SLC14A2: variants seen among roughly 807,000 people sequenced by gnomAD.
SLC14A2 encodes the protein solute carrier family 14 member 2, also known as urea transporter 2.
A neutral mutation model predicts 104.6 loss-of-function variants in SLC14A2; 91 were observed. The observed-to-expected ratio is 0.87, with a 90% CI of 0.73 to 1.04. The LOEUF (loss-of-function observed/expected upper bound fraction) is 1.04, where lower values mean the gene tolerates loss of function less well. Among genes scored for constraint, SLC14A2 ranks in the 50% least tolerant of loss-of-function variants. SLC14A2 has a pLI of 0.00. For missense variants in SLC14A2, 1,189 were observed against 1,156.0 expected, an observed-to-expected ratio of 1.03 and a Z score of -0.41; for synonymous variants, 476 against 466.4, an observed-to-expected ratio of 1.02 and a Z score of -0.27.
At position 45,564,060 on chromosome 18, in the gene SLC14A2, G is replaced by A. The variant is rs576589914; in HGVS notation, c.-34-60571G>A. ...TGAGTTTTATGTTATCTCCATCAAT[G>A]TCAGTATTTCCTGTCAAATCAGCAA... On this transcript the variant is annotated intron_variant, in intron 2 of 20. Coordinates refer to the SLC14A2 transcript ENST00000586448. Among the ~76,000 whole-genome samples, 14 of 152,310 alleles carry A rather than the reference G, an allele frequency of 9.2e-5. 1 individual carries two copies. In the South Asian group the frequency reaches 1.9e-3, roughly 20 times the overall value.
chr18:45,660,674 T>C (rs143372986), intron 10 of SLC14A2, among the ~76,000 whole-genome samples: 57 of 152,336 alleles, frequency 3.7e-4, no homozygotes, highest in Non-Finnish European at 7.2e-4. Flanking sequence ...CAAAACACCA[T>C]GCAGAAATTA....
intron 1 of SLC14A2, among the ~76,000 whole-genome samples, chr18:45,249,534 T>C (rs188396573): frequency 2.0e-4 from 30 of 152,308 alleles, no homozygotes; most frequent in Admixed American, 2.0e-3. Flanking sequence ...TCAATGAATG[T>C]GTGGTCTTTT....
In SLC14A2 at chr18:45,323,232, C is replaced by A. The variant is rs887410267; in HGVS notation, c.-125+110041C>A. Among the ~76,000 whole-genome samples, 3 of 152,206 alleles carry A rather than the reference C, an allele frequency of 2.0e-5. No homozygotes were observed. In the South Asian group the frequency reaches 6.2e-4, roughly 32 times the overall value. On this transcript the variant is annotated intron_variant, in intron 1 of 20. Coordinates refer to the SLC14A2 transcript ENST00000586448. ...CACATTGAGACTGTTGGAACAATAA[C>A]CTCAGTAAACTGATTATTTACAGAA...
At chr18:45,178,355 A>G in the SLC14A2 span, among the ~76,000 whole-genome samples, 96 of 152,324 alleles carry the variant, frequency 6.3e-4, no homozygotes, top group Non-Finnish European at 1.0e-3. Context: ...AAATAAAAAC[A>G]TAAGTAGATG....
intron 2 of SLC14A2, among the ~76,000 whole-genome samples, chr18:45,594,241 C>T (rs1235828828): frequency 6.6e-6 from 1 of 152,186 alleles, no homozygotes; most frequent in Non-Finnish European, 1.5e-5. Context: ...AGAAGGACCA[C>T]AAGCACGCAG....
At chr18:45,423,018 A>G (rs1640127750) in intron 1 of SLC14A2, among the ~76,000 whole-genome samples, 1 of 152,176 alleles carries the variant, frequency 6.6e-6, no homozygotes, top group Admixed American at 6.5e-5. Context: ...GAGCCCCTCC[A>G]TTAGAACTCA....
At chr18:45,299,328 T>C (rs2084945403) in intron 1 of SLC14A2, among the ~76,000 whole-genome samples, 1 of 152,256 alleles carries the variant, frequency 6.6e-6, no homozygotes, top group African/African-American at 2.4e-5. Flanking sequence ...CATGCCAGGT[T>C]GCCTGTTGTC....
chr18:45,169,535 G>A, the SLC14A2 span, among the ~76,000 whole-genome samples: 1 of 152,208 alleles, frequency 6.6e-6, no homozygotes, highest in East Asian at 1.9e-4. Flanking sequence ...TAATCACAGA[G>A]TCAGAGTTAC....
rs1211809249 is a variant in SLC14A2, at chr18:45,289,840, T to C, written c.-125+76649T>C. Among the ~76,000 whole-genome samples the C allele has an allele frequency of 2.0e-5, 3 of 152,210 alleles. No individual in the cohort carries two copies. The East Asian group carries it at 5.8e-4, about 29-fold the overall frequency. Reference sequence around the variant, plus strand: ...CTTCCTTTGAACATCACTTAAATGGTTACTGTCAAAGTCAGATGCAAGACC... The same window carrying C: ...CTTCCTTTGAACATCACTTAAATGGCTACTGTCAAAGTCAGATGCAAGACC... On this transcript the variant is annotated intron_variant, in intron 1 of 20. Transcript: ENST00000586448.
intron 1 of SLC14A2, among the ~76,000 whole-genome samples, chr18:45,477,938 G>A (rs1313065562): frequency 5.9e-5 from 9 of 152,180 alleles, no homozygotes; most frequent in African/African-American, 1.9e-4. Context: ...GGTGGGATCC[G>A]CTGACCTAGA....
chr18:45,643,517 C>T (rs1345077365), intron 9 of SLC14A2, among the ~76,000 whole-genome samples: 3 of 152,118 alleles, frequency 2.0e-5, no homozygotes, highest in African/African-American at 4.8e-5. Flanking sequence ...CTGATTGTGG[C>T]TCAAATTATC....
intron 1 of SLC14A2, among the ~76,000 whole-genome samples, chr18:45,275,940 G>A (rs1449496815): frequency 1.3e-5 from 2 of 152,212 alleles, no homozygotes; most frequent in African/African-American, 2.4e-5. Context: ...AAAGAATAAA[G>A]GTGCTGTTTT....
chr18:45,580,763 G>C (rs543606652), intron 2 of SLC14A2, among the ~76,000 whole-genome samples: 2 of 152,168 alleles, frequency 1.3e-5, no homozygotes, highest in African/African-American at 2.4e-5. Flanking sequence ...ACGGGTAAGG[G>C]GCAAAGCTGA....
At chr18:45,348,669 T>C in intron 1 of SLC14A2, among the ~76,000 whole-genome samples, 1 of 152,246 alleles carries the variant, frequency 6.6e-6, no homozygotes, top group Non-Finnish European at 1.5e-5. Flanking sequence ...GCTATAATTC[T>C]GTACGTGCCA....
intron 1 of SLC14A2, among the ~76,000 whole-genome samples, chr18:45,400,289 C>T (rs2086081764): frequency 6.6e-6 from 1 of 152,170 alleles, no homozygotes; most frequent in African/African-American, 2.4e-5. Flanking sequence ...TTACTTGAGT[C>T]TCCTACTCTT....
chr18:45,306,579 C>T (rs1441036356), intron 1 of SLC14A2, among the ~76,000 whole-genome samples: 1 of 152,088 alleles, frequency 6.6e-6, no homozygotes, highest in African/African-American at 2.4e-5. Context: ...AATACTATTC[C>T]TCATTTGATC....
At chr18:45,336,229 A>G (rs2085337012) in intron 1 of SLC14A2, among the ~76,000 whole-genome samples, 1 of 152,222 alleles carries the variant, frequency 6.6e-6, no homozygotes, top group Non-Finnish European at 1.5e-5. Context: ...TAAGGAAAAC[A>G]CTTAAAAGAA....
At chr18:45,369,100 A>G (rs2045041498) in intron 1 of SLC14A2, among the ~76,000 whole-genome samples, 1 of 152,192 alleles carries the variant, frequency 6.6e-6, no homozygotes, top group African/African-American at 2.4e-5. Flanking sequence ...GTCTCAGTCA[A>G]CATGGGAAAA....
intron 1 of SLC14A2, among the ~76,000 whole-genome samples, chr18:45,393,231 G>C (rs2085991413): frequency 6.6e-6 from 1 of 152,184 alleles, no homozygotes; most frequent in Non-Finnish European, 1.5e-5. Flanking sequence ...GAATAAAATA[G>C]GATATATGTA....
Sources: allele counts gnomAD v4.1 joint callset (sites outside exome capture counted in the v4.1 genomes callset), GRCh38; gene constraint gnomAD v4.1.1; transcripts MANE v1.5; gene names NCBI Gene and HGNC (gene_info 2026-07-23, HGNC 2026-07-21).